DISC1: variants seen among roughly 807,000 people sequenced by gnomAD.
The protein encoded by DISC1 is disrupted in schizophrenia 1 protein.
DISC1 carries 57 observed loss-of-function variants against 84.5 expected under a neutral mutation model. The ratio of observed to expected loss-of-function variants is 0.67; its 90% CI spans 0.55 to 0.84. The LOEUF is 0.84. DISC1 is among the 40% of genes least tolerant of loss of function. DISC1 has a pLI of 0.00. For missense variants in DISC1, 1,000 were observed against 1,057.8 expected (o/e 0.95, Z 0.76); for synonymous variants, 411 against 415.2 (o/e 0.99, Z 0.12).
chr1:231,817,667 A>C (rs1479880404), intron 8 of DISC1, among the ~76,000 whole-genome samples: 3 of 148,630 alleles, frequency 2.0e-5, no homozygotes, highest in African/African-American at 5.2e-5. Context: ...TGTATTTTTT[A>C]AAAAATCATC....
intron 8 of DISC1, among the ~76,000 whole-genome samples, chr1:231,809,138 G>A (rs2080018376): frequency 6.6e-6 from 1 of 152,242 alleles, no homozygotes; most frequent in East Asian, 1.9e-4. Flanking sequence ...AGTCAGGGGA[G>A]ATGTCTCTCA....
At chr1:231,831,853 G>GT in intron 9 of DISC1, among the ~76,000 whole-genome samples, 1 of 49,544 alleles carries the variant, frequency 2.0e-5, no homozygotes, top group East Asian at 3.4e-4. Flanking sequence ...AGGTAGTGGG[G>GT]GGGGGTGGGC....
chr1:232,005,184 C>A (rs1428313150), intron 10 of DISC1, among the ~76,000 whole-genome samples: 1 of 151,020 alleles, frequency 6.6e-6, no homozygotes, highest in Non-Finnish European at 1.5e-5. Flanking sequence ...GAATGTACTG[C>A]TTGATGATTT....
chr1:231,895,964 A>T (rs189534045), intron 9 of DISC1, among the ~76,000 whole-genome samples: 9 of 152,236 alleles, frequency 5.9e-5, no homozygotes, highest in Admixed American at 5.9e-4. Context: ...TTCATGGCTT[A>T]TTGTCGTAGC....
chr1:231,697,267 C>T (rs529538382), intron 2 of DISC1, among the ~76,000 whole-genome samples: 1 of 152,210 alleles, frequency 6.6e-6, no homozygotes, highest in East Asian at 1.9e-4. Context: ...TCCTTAACCT[C>T]CTCTCGCTTC....
chr1:231,753,356 G>A (rs1442974020), intron 4 of DISC1, among the ~76,000 whole-genome samples: 1 of 152,356 alleles, frequency 6.6e-6, no homozygotes, highest in East Asian at 1.9e-4. Flanking sequence ...ACACCATGTG[G>A]AAATTGCCAA....
intron 9 of DISC1, among the ~76,000 whole-genome samples, chr1:231,888,205 A>T (rs149629998): frequency 1.5e-4 from 23 of 152,302 alleles, no homozygotes; most frequent in African/African-American, 5.1e-4. Flanking sequence ...GGGAGTTCTT[A>T]TGCGATAGTG....
chr1:231,778,469 A>G (rs2077130012), intron 6 of DISC1, among the ~76,000 whole-genome samples: 1 of 152,164 alleles, frequency 6.6e-6, no homozygotes, highest in Non-Finnish European at 1.5e-5. Flanking sequence ...GCAGGCTGTG[A>G]CCATCCACAG....
intron 6 of DISC1, among the ~76,000 whole-genome samples, chr1:231,787,483 G>A (rs895179047): frequency 1.3e-5 from 2 of 151,678 alleles, no homozygotes; most frequent in Non-Finnish European, 2.9e-5. Flanking sequence ...AGAAGGGGAG[G>A]GGACCAACCT....
At chr1:231,686,762 T>C (rs1230097790) in intron 1 of DISC1, among the ~76,000 whole-genome samples, 1 of 152,188 alleles carries the variant, frequency 6.6e-6, no homozygotes, top group East Asian at 1.9e-4. Flanking sequence ...TGTCACATTG[T>C]TATGCTGCAA....
intron 10 of DISC1, chr1:231,959,606 C>A: frequency 1.5e-6 from 1 of 670,920 alleles, no homozygotes; most frequent in African/African-American, 2.0e-5. Context: ...CCTTTGTCTG[C>A]TAGGACGCTG....
intron 1 of DISC1, among the ~76,000 whole-genome samples, chr1:231,655,278 C>A (rs1484887100): frequency 2.6e-5 from 4 of 152,064 alleles, no homozygotes; most frequent in Admixed American, 1.3e-4. Flanking sequence ...TCTCTAAAGT[C>A]CATTATATCA....
chr1:231,991,640 G>A (rs1275296024), intron 10 of DISC1, among the ~76,000 whole-genome samples: 4 of 152,182 alleles, frequency 2.6e-5, no homozygotes, highest in African/African-American at 9.7e-5. Context: ...TAAGGACTGT[G>A]CATGCTTTGG....
chr1:231,991,193 G>A (rs1333496212), intron 10 of DISC1, among the ~76,000 whole-genome samples: 1 of 152,218 alleles, frequency 6.6e-6, no homozygotes, highest in African/African-American at 2.4e-5. Context: ...AAAATATTTT[G>A]GGTGAGAGCT....
At chr1:231,904,892 C>T (rs915639402) in intron 9 of DISC1, among the ~76,000 whole-genome samples, 2 of 151,952 alleles carry the variant, frequency 1.3e-5, no homozygotes, top group Non-Finnish European at 1.5e-5. Flanking sequence ...GGGCATAAAT[C>T]GAGCATAAAA....
chr1:231,714,690 AAGAG>A (rs1049367829), intron 3 of DISC1, among the ~76,000 whole-genome samples: 6 of 151,058 alleles, frequency 4.0e-5, no homozygotes, highest in African/African-American at 7.3e-5. Flanking sequence ...GAGAGACAGA[AAGAG>A]AGAGATAGGG....
chr1:231,705,013 A>G (rs114709151), intron 3 of DISC1, among the ~76,000 whole-genome samples: 186 of 152,106 alleles, frequency 1.2e-3, no homozygotes, highest in African/African-American at 4.4e-3. Flanking sequence ...AGTAAGAATA[A>G]TAAAGCTATA....
chr1:231,929,121 T>C (rs568307909), intron 9 of DISC1, among the ~76,000 whole-genome samples: 33 of 152,336 alleles, frequency 2.2e-4, no homozygotes, highest in Middle Eastern at 3.4e-3. Context: ...TTGTTAATTT[T>C]CTGTCTTGTT....
At chr1:231,929,688 G>GCCCA (rs898568838) in intron 9 of DISC1, among the ~76,000 whole-genome samples, 7 of 152,224 alleles carry the variant, frequency 4.6e-5, no homozygotes, top group African/African-American at 1.7e-4. Context: ...GGGTCATGAA[G>GCCCA]CCCACTGTGG....
Sources: gnomAD v4.1 joint callset for allele counts (sites outside exome capture counted in the v4.1 genomes callset) on GRCh38, gnomAD v4.1.1 for gene constraint, MANE v1.5 for transcripts, NCBI Gene and HGNC (gene_info 2026-07-23, HGNC 2026-07-21) for gene names.